The following RNF151 variants were observed in gnomAD, a reference collection of about 807,000 sequenced individuals.
RNF151 encodes the protein ring finger protein 151.
Under a neutral mutation model 11.1 loss-of-function variants are expected in RNF151, and 9 were observed. The observed-to-expected ratio is 0.81, with a 90% CI of 0.49 to 1.42. The LOEUF (loss-of-function observed/expected upper bound fraction) is 1.42, where lower values mean the gene tolerates loss of function less well. Among genes scored for constraint, RNF151 ranks in the 40% most tolerant of loss-of-function variants. The probability of loss-of-function intolerance (pLI) is 0.00; values close to 1 mark genes in which losing one functional copy is unlikely to be tolerated. For synonymous variants in RNF151, 172 were observed against 140.7 expected (o/e 1.22, Z -1.58); for missense variants, 372 against 342.9 (o/e 1.08, Z -0.67).
chr16:1,967,556 T>C, intron 2 of RNF151, 137 bp downstream of exon 2: 1 of 961,476 alleles, frequency 1.0e-6, no homozygotes, highest in Non-Finnish European at 1.6e-6. Context: ...GTACCCTCAC[T>C]CAGTAGTGTC....
At position 1,967,715 on chromosome 16, in the gene RNF151, C is replaced by T. The variant is rs770129772; in HGVS notation, c.150-10C>T. 4 of 1,602,850 alleles carry T rather than the reference C, an allele frequency of 2.5e-6. No homozygotes were observed. The highest frequency in any genetic ancestry group is 3.4e-6 in the Non-Finnish European group (4 of 1,173,994). ...TCCCAACACTCACCCCTACTCATGC[C>T]TCCTTCCAGACAAAAGACCTGTCCG... On this transcript the variant is annotated splice_polypyrimidine_tract_variant and intron_variant, in intron 2 of 3. Transcript: ENST00000569714.
At chr16:1,967,852 C>T in intron 3 of RNF151, 31 bp downstream of exon 3, 1 of 1,486,440 alleles carries the variant, frequency 6.7e-7, no homozygotes, top group Non-Finnish European at 9.3e-7. Context: ...CCCTGACCCT[C>T]AACCCTTCTC....
At chr16:1,968,078 G>C in intron 3 of RNF151, 1 of 691,638 alleles carries the variant, frequency 1.4e-6, no homozygotes, top group Non-Finnish European at 2.6e-6. Flanking sequence ...GGAGATTACA[G>C]AGGATTTTTA....
At chr16:1,968,339 C>G in intron 3 of RNF151, 95 bp from the exon 4 acceptor site, 1 of 1,415,718 alleles carries the variant, frequency 7.1e-7, no homozygotes, top group South Asian at 1.5e-5. Flanking sequence ...GTGGGAGGCT[C>G]CCGGTTCCCT....
At chr16:1,967,850 C>T (rs1217251387) in intron 3 of RNF151, 29 bp downstream of exon 3, 1 of 1,485,096 alleles carries the variant, frequency 6.7e-7, no homozygotes, top group East Asian at 2.3e-5. Flanking sequence ...TCCCCTGACC[C>T]TCAACCCTTC....
intron 1 of RNF151, 77 bp downstream of exon 1, chr16:1,966,961 C>A: frequency 6.8e-7 from 1 of 1,470,322 alleles, no homozygotes; most frequent in Non-Finnish European, 9.2e-7. Flanking sequence ...GTCCAGGGAT[C>A]GACCCCACTC....
Position 1,967,832 on chromosome 16 carries a change from G to T in RNF151, c.246+11G>T. Reference sequence around the variant, plus strand: ...CGCCTGGAAGTCAAGGTAGCTCAAAGTACCCACTCCCCTGACCCTCAACCC... The same window carrying T: ...CGCCTGGAAGTCAAGGTAGCTCAAATTACCCACTCCCCTGACCCTCAACCC... On this transcript the variant is annotated intron_variant, in intron 3 of 3. Transcript: ENST00000569714. The T allele has an allele frequency of 6.3e-7, 1 of 1,587,896 alleles. No individual in the cohort carries two copies. The highest frequency in any genetic ancestry group is 8.6e-7 in the Non-Finnish European group (1 of 1,163,010).
At position 1,968,479 on chromosome 16, in the gene RNF151, C is replaced by T; in HGVS notation, c.292C>T (p.His98Tyr). 2.5e-6 allele frequency: 4 copies of T among 1,588,632 alleles called. No homozygotes were observed. The highest frequency in any genetic ancestry group is 2.3e-5 in the East Asian group (1 of 43,742). Residue 98 changes from histidine to tyrosine, a missense_variant, in exon 4 of 4, where the codon CAT becomes TAT. By Grantham distance (83) the His-to-Tyr change is moderately conservative. Coordinates refer to ENST00000569714, the MANE Select transcript of RNF151 (RefSeq NM_174903.6). ...AGCIVTCPLAHRKGHQDSCPF... is the reference protein window; with the variant it reads ...AGCIVTCPLAYRKGHQDSCPF... ...CTGCATAGTGACATGCCCCCTGGCCCATCGCAAGGGGCACCAGGACTCATG... is the reference window on the plus strand; with the variant it reads ...CTGCATAGTGACATGCCCCCTGGCCTATCGCAAGGGGCACCAGGACTCATG...
intron 3 of RNF151, 80 bp downstream of exon 3, chr16:1,967,901 G>A (rs1461618895): frequency 1.0e-6 from 1 of 990,610 alleles, no homozygotes; most frequent in African/African-American, 1.6e-5. Context: ...AGAGAAGGCA[G>A]GAGAATCCCA....
Position 1,968,796 on chromosome 16 carries a change from C to G in RNF151, c.609C>G (p.Leu203=), listed in dbSNP as rs1273300149. The change falls in exon 4 of 4, where the codon CTC becomes CTG. Residue 203 remains leucine (L), a synonymous_variant. Coordinates refer to ENST00000569714, the MANE Select transcript of RNF151 (RefSeq NM_174903.6). ...TCGTTCGTAGAGAGCTGGCGGAGCT[C>G]AGCAACTTCCTGGAGGAAGACACCG... ...TSVVRRELAE[L]SNFLEEDTAL... is the part of the protein sequence containing the mutation. 2 of 1,592,512 alleles carry G rather than the reference C, an allele frequency of 1.3e-6. No individual in the cohort carries two copies. The highest frequency in any genetic ancestry group is 1.3e-5 in the African/African-American group (1 of 74,596).
intron 2 of RNF151, 32 bp from the exon 3 acceptor site, chr16:1,967,693 C>T: frequency 6.4e-7 from 1 of 1,555,056 alleles, no homozygotes; most frequent in Non-Finnish European, 8.8e-7. Context: ...TTCCCACTCC[C>T]AACACTCACC....
At chr16:1,967,642 G>T in intron 2 of RNF151, 83 bp from the exon 3 acceptor site, 1 of 1,184,122 alleles carries the variant, frequency 8.4e-7, no homozygotes, top group South Asian at 1.3e-5. Flanking sequence ...CTAATGAAGG[G>T]ACCACCTGGG....
chr16:1,967,465 G>A, intron 2 of RNF151, 46 bp downstream of exon 2: 1 of 1,551,404 alleles, frequency 6.4e-7, no homozygotes, highest in South Asian at 1.1e-5. Flanking sequence ...AGTGAGACTG[G>A]GGGCCATTGC....
At chr16:1,968,393 T>G in intron 3 of RNF151, 41 bp from the exon 4 acceptor site, 1 of 1,478,636 alleles carries the variant, frequency 6.8e-7, no homozygotes, top group East Asian at 2.4e-5. Context: ...ATTCCGTGGG[T>G]GTCCTGCCCG....
At chr16:1,967,639 A>T in intron 2 of RNF151, 86 bp from the exon 3 acceptor site, 2 of 1,164,272 alleles carry the variant, frequency 1.7e-6, no homozygotes, top group South Asian at 2.6e-5. Flanking sequence ...CAGCTAATGA[A>T]GGGACCACCT....
intron 3 of RNF151, 72 bp downstream of exon 3, chr16:1,967,893 A>G (rs1408659482): frequency 9.7e-7 from 1 of 1,031,470 alleles, no homozygotes; most frequent in Non-Finnish European, 1.5e-6. Context: ...GGGCTAGGAG[A>G]GAAGGCAGGA....
intron 1 of RNF151, 142 bp from the exon 2 acceptor site, chr16:1,967,132 A>T: frequency 8.7e-7 from 1 of 1,149,814 alleles, no homozygotes; most frequent in Non-Finnish European, 1.2e-6. Flanking sequence ...CTGCCCCCTC[A>T]AAGTGGGCGC....
Position 1,967,707 on chromosome 16 carries a change from A to G in RNF151, c.150-18A>G. On this transcript the variant is annotated intron_variant, in intron 2 of 3. Coordinates refer to ENST00000569714, the MANE Select transcript of RNF151 (RefSeq NM_174903.6). ...CTTCCCACTCCCAACACTCACCCCTACTCATGCCTCCTTCCAGACAAAAGA... is the reference window on the plus strand; with the variant it reads ...CTTCCCACTCCCAACACTCACCCCTGCTCATGCCTCCTTCCAGACAAAAGA... 1 of 1,591,710 alleles carries G rather than the reference A, an allele frequency of 6.3e-7. No individual in the cohort carries two copies. The highest frequency in any genetic ancestry group is 1.1e-5 in the South Asian group (1 of 88,198).
In RNF151 at chr16:1,967,367, T is replaced by C. The variant is rs2083320783; in HGVS notation, c.97T>C (p.Leu33=). ...CHGVLKRPAR[L]PCSHIFCKKC... is the part of the protein sequence containing the mutation. The stretch of plus-strand genomic sequence containing the variant: ...TGGGGTTCTCAAGAGGCCAGCAAGG[T>C]TGCCATGCAGCCACATCTTCTGCAA... Residue 33 remains leucine (L), a synonymous_variant, in exon 2 of 4, where the codon TTG becomes CTG. Transcript: ENST00000569714. 6.2e-7 allele frequency: 1 copy of C among 1,613,716 alleles called. No homozygotes were observed. Among genetic ancestry groups the C allele is most frequent in the East Asian group, 2.2e-5 (1 of 44,882 alleles).
Sources: allele counts gnomAD v4.1 joint callset, GRCh38; gene constraint gnomAD v4.1.1; transcripts MANE v1.5; gene names NCBI Gene and HGNC (gene_info 2026-07-23, HGNC 2026-07-21).